The following ANO10 variants were observed in gnomAD, a reference collection of about 807,000 sequenced individuals.
The protein encoded by ANO10 is anoctamin 10, also known as anoctamin-10.
A neutral mutation model predicts 74.7 loss-of-function variants in ANO10; 77 were observed. That is an observed-to-expected ratio of 1.03 (90% CI 0.86 to 1.25). ANO10 has a LOEUF of 1.25. Ranked by LOEUF, ANO10 falls within the 50% of genes most tolerant of loss-of-function variation. The probability of loss-of-function intolerance (pLI) is 0.00; values close to 1 mark genes in which losing one functional copy is unlikely to be tolerated. For synonymous variants in ANO10, 279 were observed against 284.9 expected, an observed-to-expected ratio of 0.98 and a Z score of 0.21; for missense variants, 721 against 778.1, an observed-to-expected ratio of 0.93 and a Z score of 0.87.
intron 1 of ANO10, among the ~76,000 whole-genome samples, chr3:43,654,442 C>T (rs2083824025): frequency 1.3e-5 from 2 of 150,480 alleles, no homozygotes; most frequent in South Asian, 2.1e-4. Context: ...TTTCACTGAC[C>T]TCTAACTGAG....
In ANO10 at chr3:43,520,539, C is replaced by T. The variant is rs114161846; in HGVS notation, c.1797+29181G>A. Among the ~76,000 whole-genome samples, 283 of 152,244 alleles carry T rather than the reference C, an allele frequency of 1.9e-3. 1 individual carries two copies. Among genetic ancestry groups the T allele is most frequent in the African/African-American group, 6.5e-3 (269 of 41,554 alleles). On this transcript the variant is annotated intron_variant, in intron 11 of 12. Transcript: ENST00000292246. ...GACTATTCTTCCCCCAATGAATTGT[C>T]GTGGAACTCTTGTTGAAAATCAATT...
At chr3:43,369,700 G>C (rs1368217035) in intron 12 of ANO10, among the ~76,000 whole-genome samples, 1 of 152,176 alleles carries the variant, frequency 6.6e-6, no homozygotes, top group African/African-American at 2.4e-5. Flanking sequence ...GGGGGGCTCA[G>C]CTCGACTCCC....
At chr3:43,426,102 T>C (rs530998653) in intron 12 of ANO10, among the ~76,000 whole-genome samples, 114 of 152,078 alleles carry the variant, frequency 7.5e-4, no homozygotes, top group Middle Eastern at 3.4e-3. Flanking sequence ...TGTAAGCCCA[T>C]CCCTCCCCCG....
chr3:43,430,954 C>G (rs1249257372), intron 12 of ANO10, among the ~76,000 whole-genome samples: 1 of 151,968 alleles, frequency 6.6e-6, no homozygotes, highest in Non-Finnish European at 1.5e-5. Flanking sequence ...AAAATATTTT[C>G]AAACTGATTA....
intron 11 of ANO10, among the ~76,000 whole-genome samples, chr3:43,494,282 C>T (rs1257523139): frequency 1.3e-5 from 2 of 152,008 alleles, no homozygotes; most frequent in African/African-American, 4.8e-5. Context: ...GGTGAAACCC[C>T]GTCTGTACTA....
chr3:43,464,262 C>T (rs2075516961), intron 11 of ANO10, among the ~76,000 whole-genome samples: 1 of 152,140 alleles, frequency 6.6e-6, no homozygotes, highest in African/African-American at 2.4e-5. Context: ...AAAAACATTT[C>T]AAGAAAAGAA....
rs5848663 is a variant in ANO10, at chr3:43,432,944, C to CTTTTTTTTTTTTT, written c.1798-230_1798-218dup. Among the ~76,000 whole-genome samples, 352 of 55,270 alleles carry CTTTTTTTTTTTTT rather than the reference C, an allele frequency of 6.4e-3. 69 individuals carry two copies. The highest frequency in any genetic ancestry group is 0.023 in the Middle Eastern group (1 of 44). 36.3% of individuals were successfully genotyped at this position (55,270 alleles called of 152,430 possible). A position where few individuals can be genotyped will look rare whatever the true frequency, so the allele number is the denominator to read the frequency against. ...CAGTAATTACTGACTTTGCTTAATT[C>CTTTTTTTTTTTTT]TTTTTTTTTTTTTTTTTTTTTTTTT... On this transcript the variant is annotated intron_variant, in intron 11 of 12. Transcript: ENST00000292246.
chr3:43,584,795 A>G (rs1027369255), intron 4 of ANO10, among the ~76,000 whole-genome samples: 3 of 152,194 alleles, frequency 2.0e-5, no homozygotes, highest in Non-Finnish European at 4.4e-5. Flanking sequence ...ACAACATTAC[A>G]GCAAGCAGCA....
chr3:43,483,491 T>A (rs928858777), intron 11 of ANO10, among the ~76,000 whole-genome samples: 4 of 152,170 alleles, frequency 2.6e-5, no homozygotes, highest in Non-Finnish European at 5.9e-5. Context: ...AACCATGCAA[T>A]AGACACAAAA....
intron 4 of ANO10, among the ~76,000 whole-genome samples, chr3:43,582,261 C>A (rs1180206466): frequency 6.6e-6 from 1 of 151,990 alleles, no homozygotes; most frequent in Admixed American, 6.6e-5. Context: ...ACCATCCTGC[C>A]GAACACCGTG....
chr3:43,603,773 C>A (rs767503688), intron 2 of ANO10, among the ~76,000 whole-genome samples: 3 of 152,164 alleles, frequency 2.0e-5, no homozygotes, highest in Non-Finnish European at 4.4e-5. Flanking sequence ...CCGTTAGCAA[C>A]CCCCTGATTT....
chr3:43,690,860 G>T, intron 1 of ANO10: 1 of 972,440 alleles, frequency 1.0e-6, no homozygotes, highest in Non-Finnish European at 1.4e-6. Flanking sequence ...GCGCGCCGCC[G>T]GGCCGTGCTA....
chr3:43,471,430 C>G (rs1017005926), intron 11 of ANO10, among the ~76,000 whole-genome samples: 2 of 152,132 alleles, frequency 1.3e-5, no homozygotes, highest in African/African-American at 4.8e-5. Context: ...CATCATGTCC[C>G]TCTGCCGCAG....
At chr3:43,582,087 T>C (rs1163516091) in intron 4 of ANO10, among the ~76,000 whole-genome samples, 3 of 152,160 alleles carry the variant, frequency 2.0e-5, no homozygotes, top group Non-Finnish European at 2.9e-5. Context: ...CAGAGACAGA[T>C]GATAAAAATA....
At chr3:43,412,037 A>T (rs1016792601) in intron 12 of ANO10, among the ~76,000 whole-genome samples, 1 of 148,062 alleles carries the variant, frequency 6.8e-6, no homozygotes, top group African/African-American at 2.4e-5. Context: ...CATATTTTAT[A>T]TATTTGTAAA....
At chr3:43,444,795 G>A (rs1226677739) in intron 11 of ANO10, among the ~76,000 whole-genome samples, 3 of 152,228 alleles carry the variant, frequency 2.0e-5, no homozygotes, top group Admixed American at 6.5e-5. Flanking sequence ...ATATGTCAGA[G>A]TTAGAATAAA....
At chr3:43,367,142 G>GA (rs1246620726) in intron 12 of ANO10, among the ~76,000 whole-genome samples, 168 bp from the exon 13 acceptor site, 1 of 152,198 alleles carries the variant, frequency 6.6e-6, no homozygotes, top group Non-Finnish European at 1.5e-5. Flanking sequence ...GAGGAGATGG[G>GA]AGACAGTTGG....
At chr3:43,474,884 T>A (rs1377427174) in intron 11 of ANO10, among the ~76,000 whole-genome samples, 3 of 142,860 alleles carry the variant, frequency 2.1e-5, no homozygotes, top group Non-Finnish European at 4.6e-5. Flanking sequence ...GATTTTATTA[T>A]CACTAATTAT....
Position 43,489,078 on chromosome 3 carries a change from C to A in ANO10, c.1798-56351G>T, listed in dbSNP as rs201576670. ...AGTAAACTATCACAAGAACAAAAAA[C>A]CAAACACCGCATATTCTCACGCATA... On this transcript the variant is annotated intron_variant, in intron 11 of 12. Coordinates refer to ENST00000292246, the MANE Select transcript of ANO10 (RefSeq NM_018075.5). Among the ~76,000 whole-genome samples the A allele has an allele frequency of 9.3e-5, 14 of 150,292 alleles. No homozygotes were observed. The East Asian group carries it at 2.2e-3, about 23-fold the overall frequency.
Sources: allele counts gnomAD v4.1 joint callset (sites outside exome capture counted in the v4.1 genomes callset), GRCh38; gene constraint gnomAD v4.1.1; transcripts MANE v1.5; gene names NCBI Gene and HGNC (gene_info 2026-07-23, HGNC 2026-07-21).